ADK: variants seen among roughly 807,000 people sequenced by gnomAD.
ADK encodes N6,N6-dimethyladenosine kinase.
In ADK, 24 loss-of-function variants were observed where a neutral mutation model predicts 44.7. The ratio of observed to expected loss-of-function variants is 0.54; its 90% CI spans 0.39 to 0.76. ADK has a LOEUF of 0.76. Among genes scored for constraint, ADK ranks in the 30% least tolerant of loss-of-function variants. ADK has a pLI of 0.00. For synonymous variants in ADK, 128 were observed against 142.6 expected (o/e 0.90, Z 0.73); for missense variants, 321 against 425.1 (o/e 0.76, Z 2.15).
At chr10:74,238,162 C>T (rs547977607) in intron 3 of ADK, among the ~76,000 whole-genome samples, 1 of 152,236 alleles carries the variant, frequency 6.6e-6, no homozygotes, top group East Asian at 1.9e-4. Context: ...CCTGTCTGTC[C>T]GCCCGTCTTC....
chr10:74,228,122 T>A (rs1277105905), intron 3 of ADK, among the ~76,000 whole-genome samples: 2 of 152,264 alleles, frequency 1.3e-5, no homozygotes, highest in Admixed American at 6.5e-5. Flanking sequence ...TCCTGAAATT[T>A]TGTGATTCAG....
At chr10:74,309,177 A>G (rs1302066722) in intron 3 of ADK, among the ~76,000 whole-genome samples, 3 of 152,074 alleles carry the variant, frequency 2.0e-5, no homozygotes, top group African/African-American at 7.2e-5. Flanking sequence ...TCGCTTTTGT[A>G]TTCCTTATTG....
chr10:74,654,109 G>T (rs768836023), intron 9 of ADK, among the ~76,000 whole-genome samples: 7 of 152,182 alleles, frequency 4.6e-5, no homozygotes, highest in Non-Finnish European at 7.3e-5. Context: ...CTTACTGATG[G>T]AAAGTCCATG....
chr10:74,211,181 G>A lies in ADK; in HGVS notation c.140+10343G>A, dbSNP rs184671307. On this transcript the variant is annotated intron_variant, in intron 2 of 10. Coordinates refer to ENST00000539909, the MANE Select transcript of ADK (RefSeq NM_006721.4). ...ATTACAGGTGTGAGCTACCGTGCCC[G>A]GTCTTTTAATTAATTCTTTATAAAG... Among the ~76,000 whole-genome samples the A allele has an allele frequency of 2.1e-4, 32 of 152,040 alleles. No individual in the cohort carries two copies. The East Asian group carries it at 3.1e-3, about 15-fold the overall frequency.
chr10:74,311,769 G>T (rs1840440574), intron 3 of ADK, among the ~76,000 whole-genome samples: 1 of 152,158 alleles, frequency 6.6e-6, no homozygotes, highest in African/African-American at 2.4e-5. Flanking sequence ...CAAACATTAT[G>T]AAACTTTGAG....
At chr10:74,537,098 C>G (rs1046998792) in intron 7 of ADK, among the ~76,000 whole-genome samples, 1 of 152,182 alleles carries the variant, frequency 6.6e-6, no homozygotes. Flanking sequence ...TCTCCACCTC[C>G]TCACCAACAC....
At chr10:74,508,222 G>T (rs1848156976) in intron 6 of ADK, 1 of 152,088 alleles carries the variant, frequency 6.6e-6, no homozygotes, top group African/African-American at 2.4e-5. Flanking sequence ...ATTAAATCAA[G>T]GAGAGAAAGG....
At chr10:74,373,687 C>A (rs912530206) in intron 4 of ADK, among the ~76,000 whole-genome samples, 1 of 152,128 alleles carries the variant, frequency 6.6e-6, no homozygotes, top group African/African-American at 2.4e-5. Flanking sequence ...ATTTGGAGAA[C>A]CCTAAGGCAT....
rs370816689 is a variant in ADK, at chr10:74,504,395, C to T, written c.556-20861C>T. On this transcript the variant is annotated intron_variant, in intron 6 of 10. Coordinates refer to ENST00000539909, the MANE Select transcript of ADK (RefSeq NM_006721.4). ...CTTGAACAGTGCCGGGGGTTAGAGG[C>T]ACTCCCCTCCCCCGGGTAGTTGAAA... 2.3e-4 allele frequency among the ~76,000 whole-genome samples: 35 copies of T among 152,138 alleles called. 1 individual carries two copies. Among genetic ancestry groups the T allele is most frequent in the Middle Eastern group, 6.8e-3 (2 of 294 alleles).
At position 74,561,719 on chromosome 10, in the gene ADK, T is replaced by G. The variant is rs146596801; in HGVS notation, c.727-27563T>G. 6.7e-4 allele frequency among the ~76,000 whole-genome samples: 102 copies of G among 152,260 alleles called. 1 individual carries two copies. In the East Asian group the frequency reaches 0.018, roughly 27 times the overall value. ...GCAGAACCAGTAGACAATATAGATT[T>G]AGAGATTTGTTACAAGGAATTGGAT... On this transcript the variant is annotated intron_variant, in intron 7 of 10. Transcript: ENST00000539909.
rs543764322 is a variant in ADK at position 74,556,705 on chromosome 10, A to G, written c.726+31279A>G. Among the ~76,000 whole-genome samples the G allele has an allele frequency of 8.5e-5, 13 of 152,330 alleles. No homozygotes were observed. In the South Asian group the frequency reaches 2.7e-3, roughly 32 times the overall value. The stretch of plus-strand genomic sequence containing the variant: ...TTTTAAAAATATAGGACTCTGTTTT[A>G]GAATTTGAGGAAAGGAAGATGCCAG... On this transcript the variant is annotated intron_variant, in intron 7 of 10. Transcript: ENST00000539909.
chr10:74,174,718 C>T (rs1842271086), intron 1 of ADK: 1 of 152,258 alleles, frequency 6.6e-6, no homozygotes, highest in Admixed American at 6.5e-5. Context: ...TTGACTAATT[C>T]TGCTTGTGGA....
chr10:74,564,991 C>G (rs534708881), intron 7 of ADK, among the ~76,000 whole-genome samples: 3 of 152,150 alleles, frequency 2.0e-5, no homozygotes, highest in African/African-American at 7.2e-5. Flanking sequence ...CAATAGCTTT[C>G]TGTGTTGGAT....
chr10:74,239,863 A>AT (rs1210797733), intron 3 of ADK, among the ~76,000 whole-genome samples: 1 of 152,088 alleles, frequency 6.6e-6, no homozygotes. Flanking sequence ...AAAATATTCT[A>AT]TTTAGTTATC....
At chr10:74,228,587 G>C (rs945356037) in intron 3 of ADK, among the ~76,000 whole-genome samples, 1 of 152,056 alleles carries the variant, frequency 6.6e-6, no homozygotes, top group East Asian at 1.9e-4. Flanking sequence ...TCAATAAAGC[G>C]GTTTAAGAAA....
chr10:74,691,913 T>G (rs1185394520), intron 10 of ADK, among the ~76,000 whole-genome samples: 1 of 152,170 alleles, frequency 6.6e-6, no homozygotes, highest in Non-Finnish European at 1.5e-5. Context: ...CATTTATTGC[T>G]GGTAAAAAAT....
intron 3 of ADK, among the ~76,000 whole-genome samples, chr10:74,238,384 C>A (rs559515610): frequency 2.0e-5 from 3 of 152,274 alleles, no homozygotes; most frequent in African/African-American, 7.2e-5. Flanking sequence ...GTGAATTGCT[C>A]ACAATGTTTA....
At chr10:74,339,128 A>T (rs1436759658) in intron 4 of ADK, among the ~76,000 whole-genome samples, 2 of 151,692 alleles carry the variant, frequency 1.3e-5, no homozygotes, top group African/African-American at 4.8e-5. Flanking sequence ...TAATTTTTTT[A>T]TTTTTATTTT....
chr10:74,403,551 C>T (rs1362177614), intron 6 of ADK, among the ~76,000 whole-genome samples: 5 of 152,138 alleles, frequency 3.3e-5, no homozygotes, highest in Middle Eastern at 3.2e-3. Flanking sequence ...CCGAGCCATG[C>T]GTGGGATATA....
Sources: gnomAD v4.1 joint callset for allele counts (sites outside exome capture counted in the v4.1 genomes callset) on GRCh38, gnomAD v4.1.1 for gene constraint, MANE v1.5 for transcripts, NCBI Gene and HGNC (gene_info 2026-07-23, HGNC 2026-07-21) for gene names.